NUP210L: variants seen among roughly 807,000 people sequenced by gnomAD.
NUP210L encodes nucleoporin 210 like.
Under a neutral mutation model 208.5 loss-of-function variants are expected in NUP210L, and 74 were observed. The observed-to-expected ratio is 0.35, with a 90% confidence interval of 0.29 to 0.43. NUP210L has a LOEUF of 0.43. NUP210L is among the 20% of genes least tolerant of loss of function. NUP210L has a pLI of 1.00. For synonymous variants in NUP210L, 780 were observed against 816.9 expected (o/e 0.95, Z 0.77); for missense variants, 1,843 against 2,289.4 (o/e 0.81, Z 3.98).
chr1:154,148,066 C>T (rs1161142117), intron 2 of NUP210L, among the ~76,000 whole-genome samples: 5 of 149,494 alleles, frequency 3.3e-5, no homozygotes, highest in East Asian at 2.0e-4. Flanking sequence ...GAGACCAGCC[C>T]GGCCAACATG....
chr1:154,050,753 A>AT (rs1653443446), intron 25 of NUP210L, among the ~76,000 whole-genome samples: 1 of 152,182 alleles, frequency 6.6e-6, no homozygotes, highest in African/African-American at 2.4e-5. Flanking sequence ...AATTATTTCA[A>AT]TTTTTGAAAT....
At chr1:154,013,487 T>TTGCTTGA (rs1651065221) in intron 33 of NUP210L, among the ~76,000 whole-genome samples, 1 of 152,026 alleles carries the variant, frequency 6.6e-6, no homozygotes, top group African/African-American at 2.4e-5. Context: ...GGCAGGAGAA[T>TTGCTTGA]TGCTTGAACT....
chr1:154,135,957 A>G, exon 7 of NUP210L: 1 of 1,604,828 alleles, frequency 6.2e-7, no homozygotes, highest in Non-Finnish European at 8.5e-7. Flanking sequence ...ATAATGTTCC[A>G]GGGGAAATTT....
rs1172554188 is a variant in NUP210L at position 153,999,734 on chromosome 1, C to CAA, written c.5386+1120_5386+1121dup. On this transcript the variant is annotated intron_variant, in intron 37 of 39. Transcript: ENST00000368559. Reference sequence around the variant, plus strand: ...CCTGGGTGACAGAGCAAGACTCTCTCAAAAAAAAAAAAAAAAAAAAAAAGG... The same window carrying CAA: ...CCTGGGTGACAGAGCAAGACTCTCTCAAAAAAAAAAAAAAAAAAAAAAAAAGG... Among the ~76,000 whole-genome samples, 484 of 53,794 alleles carry CAA rather than the reference C, an allele frequency of 9.0e-3. 1 individual carries two copies. The highest frequency in any genetic ancestry group is 0.022 in the East Asian group (36 of 1,674). The allele number at this position is 53,794 out of a possible 152,430, so 35.3% of individuals were successfully genotyped here.
chr1:154,057,620 A>G (rs1487676526), intron 22 of NUP210L, among the ~76,000 whole-genome samples: 1 of 151,714 alleles, frequency 6.6e-6, no homozygotes, highest in Non-Finnish European at 1.5e-5. Flanking sequence ...ATCCAAGGAG[A>G]GGTTTCAGAA....
chr1:154,116,375 G>A lies in NUP210L; in HGVS notation c.1620+1350C>T, dbSNP rs188802849. On this transcript the variant is annotated intron_variant, in intron 12 of 39. Coordinates refer to ENST00000368559, the Ensembl canonical transcript of NUP210L. ...AAAGGCGGAGGTTGCAGTGAGCTGA[G>A]ATCACGCCACTGCACTCCAGCCTGG... Among the ~76,000 whole-genome samples, 802 of 150,872 alleles carry A rather than the reference G, an allele frequency of 5.3e-3. 3 individuals are homozygous for A. Among genetic ancestry groups the A allele is most frequent in the Non-Finnish European group, 8.6e-3 (581 of 67,834 alleles).
intron 16 of NUP210L, among the ~76,000 whole-genome samples, chr1:154,077,768 T>C (rs1655117410): frequency 6.6e-6 from 1 of 152,144 alleles, no homozygotes; most frequent in Admixed American, 6.6e-5. Flanking sequence ...GTGGATCACC[T>C]GAGGTCAGAA....
At chr1:154,126,431 C>T in exon 10 of NUP210L, 1 of 1,613,298 alleles carries the variant, frequency 6.2e-7, no homozygotes, top group Non-Finnish European at 8.5e-7. Context: ...CTTCAAAGTA[C>T]TCCTTAGGAA....
At chr1:154,122,529 G>C (rs934708538) in intron 10 of NUP210L, among the ~76,000 whole-genome samples, 1 of 152,118 alleles carries the variant, frequency 6.6e-6, no homozygotes, top group African/African-American at 2.4e-5. Flanking sequence ...GGTGGCAGGC[G>C]CCTGTAGTCC....
chr1:154,065,771 T>C (rs1331352788), intron 17 of NUP210L, among the ~76,000 whole-genome samples: 1 of 151,616 alleles, frequency 6.6e-6, no homozygotes, highest in African/African-American at 2.4e-5. Context: ...CACATGCCTA[T>C]AGTCCCAGCT....
chr1:154,060,908 T>C, intron 19 of NUP210L, 34 bp downstream of exon 19: 1 of 1,370,950 alleles, frequency 7.3e-7, no homozygotes, highest in South Asian at 1.2e-5. Flanking sequence ...CCCTCCAATA[T>C]GATTCCATTT....
chr1:154,000,758 G>T, intron 37 of NUP210L, 98 bp downstream of exon 37: 1 of 1,033,826 alleles, frequency 9.7e-7, no homozygotes, highest in Non-Finnish European at 1.5e-6. Flanking sequence ...ACAGTTAAGT[G>T]AAATGCGGAA....
rs1443977124 is a variant in NUP210L at position 154,082,784 on chromosome 1, A to C, written c.2361+6637T>G. Among the ~76,000 whole-genome samples the C allele has an allele frequency of 3.9e-5, 6 of 152,164 alleles. 1 individual carries two copies. The highest frequency in any genetic ancestry group is 7.3e-5 in the Non-Finnish European group (5 of 68,042). On this transcript the variant is annotated intron_variant, in intron 16 of 39. Transcript: ENST00000368559. The stretch of plus-strand genomic sequence containing the variant: ...GTGGGTTCCTGGTCTCGCTGACTTC[A>C]GGAGTGAAGCTGTAGACCTTCGCCT...
At chr1:154,109,151 A>T (rs773357531) in intron 12 of NUP210L, among the ~76,000 whole-genome samples, 3 of 151,586 alleles carry the variant, frequency 2.0e-5, no homozygotes, top group African/African-American at 4.9e-5. Flanking sequence ...TACAAGAAAC[A>T]TGCTTCACCT....
At chr1:154,149,326 T>C (rs1310687364) in intron 2 of NUP210L, among the ~76,000 whole-genome samples, 3 of 152,102 alleles carry the variant, frequency 2.0e-5, no homozygotes, top group Non-Finnish European at 4.4e-5. Flanking sequence ...CCTCAGGTGA[T>C]CCACCCGCCT....
intron 27 of NUP210L, among the ~76,000 whole-genome samples, chr1:154,041,686 A>G (rs1055044041): frequency 6.6e-6 from 1 of 152,118 alleles, no homozygotes; most frequent in Admixed American, 6.6e-5. Context: ...CTGGCTGACC[A>G]TCTTCCCACT....
chr1:154,121,976 TAGAGA>T (rs142552303), intron 10 of NUP210L, among the ~76,000 whole-genome samples: 69 of 150,572 alleles, frequency 4.6e-4, no homozygotes, highest in African/African-American at 1.7e-3. Context: ...AACAGACAAA[TAGAGA>T]AAAGTCAATG....
Position 154,154,853 on chromosome 1 carries a change from G to GC in NUP210L, c.191dup (p.Cys65LeufsTer10). On this transcript the variant is annotated frameshift_variant, in exon 1 of 40. Transcript: ENST00000368559. LOFTEE classifies it high-confidence loss of function. ...CCACCACCCCTCACCAAGTGTAGCA[G>GC]CCCCGCTGGGCCTCCAGCAGGAAAG... The GC allele has an allele frequency of 6.2e-7, 1 of 1,613,062 alleles. No homozygotes were observed. Among genetic ancestry groups the GC allele is most frequent in the Non-Finnish European group, 8.5e-7 (1 of 1,179,038 alleles).
At position 154,127,435 on chromosome 1, in the gene NUP210L, A is replaced by C; in HGVS notation, c.1079-18T>G. 1.6e-6 allele frequency: 2 copies of C among 1,216,828 alleles called. No homozygotes were observed. The highest frequency in any genetic ancestry group is 1.9e-4 in the Middle Eastern group (1 of 5,212). 75.4% of individuals were successfully genotyped at this position (1,216,828 alleles called of 1,614,324 possible). On this transcript the variant is annotated intron_variant, in intron 8 of 39. Transcript: ENST00000368559. The stretch of plus-strand genomic sequence containing the variant: ...AGTGAAACCTATACACAAATCAAGA[A>C]ACAAAAATATTAGAAGAGGCTAACA...
Sources: allele counts gnomAD v4.1 joint callset (sites outside exome capture counted in the v4.1 genomes callset), GRCh38; gene constraint gnomAD v4.1.1; transcripts MANE v1.5; gene names NCBI Gene and HGNC (gene_info 2026-07-23, HGNC 2026-07-21).